The following DNAH6 variants were observed in gnomAD, a reference collection of about 807,000 sequenced individuals.
The protein encoded by DNAH6 is axonemal beta dynein heavy chain 6.
A neutral mutation model predicts 491.4 loss-of-function variants in DNAH6; 340 were observed. That is an observed-to-expected ratio of 0.69 (90% confidence interval 0.63 to 0.76). The LOEUF is 0.76. Among genes scored for constraint, DNAH6 ranks in the 30% least tolerant of loss-of-function variants. DNAH6 has a pLI of 0.00. For missense variants in DNAH6, 4,443 were observed against 4,972.2 expected (o/e 0.89, Z 3.20); for synonymous variants, 1,603 against 1,686.1 (o/e 0.95, Z 1.21).
In DNAH6 at chr2:84,652,481, TC is replaced by T. The variant is rs1256869868; in HGVS notation, c.5079-837del. On this transcript the variant is annotated intron_variant, in intron 33 of 76. Transcript: ENST00000389394. ...CTGATATAAACATTGGAAATGTTTT[TC>T]TAAGTCTCTCATTCATGCTTTAAGT... Among the ~76,000 whole-genome samples, 10 of 152,224 alleles carry T rather than the reference TC, an allele frequency of 6.6e-5. 1 individual carries two copies. In the Middle Eastern group the frequency reaches 0.017, roughly 259 times the overall value.
chr2:84,819,412 G>A lies in DNAH6; in HGVS notation c.*4G>A, dbSNP rs1462759844. On this transcript the variant is annotated 3_prime_UTR_variant, in exon 77 of 77. Transcript: ENST00000389394. The stretch of plus-strand genomic sequence containing the variant: ...GCTCTGCCAGCTGAGCGAATGAAAA[G>A]GTGCCACCTCAGCCCTGAAAAAGAA... 2 of 1,544,776 alleles carry A rather than the reference G, an allele frequency of 1.3e-6. No individual in the cohort carries two copies. Among genetic ancestry groups the A allele is most frequent in the Non-Finnish European group, 1.8e-6 (2 of 1,141,476 alleles).
the DNAH6 span, among the ~76,000 whole-genome samples, chr2:84,506,071 C>A: frequency 6.6e-6 from 1 of 152,170 alleles, no homozygotes; most frequent in South Asian, 2.1e-4. Flanking sequence ...TGGGTATATA[C>A]CCAGTAATGG....
chr2:84,481,718 A>G, the DNAH6 span, among the ~76,000 whole-genome samples: 1 of 152,228 alleles, frequency 6.6e-6, no homozygotes, highest in Non-Finnish European at 1.5e-5. Context: ...CTTGATGCTT[A>G]TGACAATCAT....
chr2:84,626,979 T>C (rs753157633), intron 29 of DNAH6, among the ~76,000 whole-genome samples: 11 of 152,214 alleles, frequency 7.2e-5, no homozygotes, highest in Non-Finnish European at 8.8e-5. Flanking sequence ...TATTATGATC[T>C]GCAGGTCTGG....
intron 1 of DNAH6, among the ~76,000 whole-genome samples, chr2:84,517,603 T>C (rs1009428936): frequency 6.6e-6 from 1 of 152,216 alleles, no homozygotes; most frequent in African/African-American, 2.4e-5. Flanking sequence ...CCACCCTAGC[T>C]ACAGGGGTTC....
intron 64 of DNAH6, among the ~76,000 whole-genome samples, chr2:84,767,346 A>G (rs1294649323): frequency 6.6e-6 from 1 of 152,068 alleles, no homozygotes; most frequent in African/African-American, 2.4e-5. Context: ...AGACTGGACA[A>G]CATAGTGAGA....
intron 76 of DNAH6, among the ~76,000 whole-genome samples, chr2:84,816,707 G>C (rs11693821): frequency 0.024 from 3,676 of 152,234 alleles, 72 homozygotes; most frequent in South Asian, 0.061. Context: ...TAGGTAACAA[G>C]AGCGAAAACT....
intron 29 of DNAH6, among the ~76,000 whole-genome samples, chr2:84,632,207 T>TG (rs1199645724): frequency 6.6e-6 from 1 of 152,216 alleles, no homozygotes; most frequent in Non-Finnish European, 1.5e-5. Context: ...TTTGGCACCC[T>TG]GGAGGTTTTT....
In DNAH6 at chr2:84,611,852, C is replaced by G; in HGVS notation, c.3473C>G (p.Pro1158Arg). The G allele has an allele frequency of 6.5e-7, 1 of 1,549,802 alleles. No individual in the cohort carries two copies. The highest frequency in any genetic ancestry group is 1.2e-5 in the South Asian group (1 of 83,742). The change falls in exon 22 of 77, where the codon CCA (proline) becomes CGA (arginine). Residue 1158 changes from proline to arginine, a missense_variant and splice_region_variant. By Grantham distance (103) the Pro-to-Arg change is moderately radical. Around this residue, in one of 3 missense-constraint regions of DNAH6, gnomAD observed 2,977 missense variants for 3,296.6 expected, o/e 0.90. Transcript: ENST00000389394. ...LPNALRAATQ[P>R]GLLETFQNNN... is the part of the protein sequence containing the mutation. Reference sequence around the variant, plus strand: ...AATGCTCTTCGAGCCGCTACTCAGCCAGGTATGAAACAAAATTCCAAACAA... The same window carrying G: ...AATGCTCTTCGAGCCGCTACTCAGCGAGGTATGAAACAAAATTCCAAACAA...
intron 9 of DNAH6, among the ~76,000 whole-genome samples, chr2:84,551,865 T>C (rs970576925): frequency 3.3e-5 from 5 of 152,060 alleles, no homozygotes; most frequent in Admixed American, 1.3e-4. Context: ...CTGGCCAACT[T>C]GGTGAAACGC....
At chr2:84,662,198 TG>T (rs1691576061) in intron 37 of DNAH6, among the ~76,000 whole-genome samples, 1 of 152,106 alleles carries the variant, frequency 6.6e-6, no homozygotes, top group South Asian at 2.1e-4. Context: ...GCTCCCAGCA[TG>T]AGCAATGCAG....
Position 84,669,529 on chromosome 2 carries a change from A to G in DNAH6, c.6306+19A>G. 6.5e-7 allele frequency: 1 copy of G among 1,542,042 alleles called. No individual in the cohort carries two copies. Among genetic ancestry groups the G allele is most frequent in the Non-Finnish European group, 8.8e-7 (1 of 1,138,370 alleles). On this transcript the variant is annotated intron_variant, in intron 38 of 76. Transcript: ENST00000389394. ...GGGCAAGGTAGGAAACTTACATCAA[A>G]CAAGAAGTCCTCTCCAAATGTGAGG...
intron 12 of DNAH6, among the ~76,000 whole-genome samples, chr2:84,576,951 G>C (rs1348375073): frequency 6.6e-6 from 1 of 152,128 alleles, no homozygotes; most frequent in African/African-American, 2.4e-5. Context: ...ACCTAACTCT[G>C]AAATCTAGTC....
chr2:84,784,974 G>A (rs1296761632), intron 66 of DNAH6, among the ~76,000 whole-genome samples, 164 bp downstream of exon 66: 5 of 152,110 alleles, frequency 3.3e-5, no homozygotes, highest in African/African-American at 1.2e-4. Context: ...GCAGAGAAAC[G>A]ATTTCCCAAC....
intron 62 of DNAH6, among the ~76,000 whole-genome samples, chr2:84,736,374 T>A (rs1256197967): frequency 6.6e-6 from 1 of 152,220 alleles, no homozygotes; most frequent in African/African-American, 2.4e-5. Flanking sequence ...TTTCTAATTC[T>A]ATGGAAAATG....
chr2:84,750,453 G>A (rs1673362127), intron 63 of DNAH6, among the ~76,000 whole-genome samples: 1 of 152,074 alleles, frequency 6.6e-6, no homozygotes, highest in Non-Finnish European at 1.5e-5. Flanking sequence ...CCAAAGTGCT[G>A]GGATTACAAG....
Position 84,653,510 on chromosome 2 carries a change from G to A in DNAH6, c.5270G>A (p.Gly1757Asp), listed in dbSNP as rs754835152. 1.3e-6 allele frequency: 2 copies of A among 1,551,300 alleles called. No homozygotes were observed. Among genetic ancestry groups the A allele is most frequent in the Non-Finnish European group, 1.7e-6 (2 of 1,146,726 alleles). The part of the protein sequence containing the change: ...HGVMLVGPTG[G>D]GKTTVYRILA... ...GTTATGTTAGTCGGGCCAACAGGAG[G>A]CGGCAAGACCACAGTTTACCGAATA... Residue 1757 changes from glycine (G) to aspartate (D), a missense_variant, in exon 34 of 77, where the codon GGC becomes GAC. This residue lies in a region of DNAH6 where 2,977 missense variants were observed against 3,296.6 expected (regional missense o/e 0.90). Transcript: ENST00000389394.
Position 84,669,435 on chromosome 2 carries a change from C to T in DNAH6, c.6231C>T (p.Arg2077=). 1 of 1,551,996 alleles carries T rather than the reference C, an allele frequency of 6.4e-7. No homozygotes were observed. The highest frequency in any genetic ancestry group is 8.7e-7 in the Non-Finnish European group (1 of 1,147,034). The change falls in exon 38 of 77, where the codon CGC becomes CGT. Residue 2077 remains arginine, a synonymous_variant. Transcript: ENST00000389394. ...EMLVPTTDTV[R]YGYLMEKLLA... is the part of the protein sequence containing the mutation. ...TTGTCCCCACAACTGACACAGTGCGCTATGGGTATCTAATGGAAAAACTAC... is the reference window on the plus strand; with the variant it reads ...TTGTCCCCACAACTGACACAGTGCGTTATGGGTATCTAATGGAAAAACTAC...
chr2:84,632,241 G>T (rs1688475770), intron 29 of DNAH6, among the ~76,000 whole-genome samples: 1 of 152,182 alleles, frequency 6.6e-6, no homozygotes, highest in African/African-American at 2.4e-5. Flanking sequence ...ATGCACCACA[G>T]TAAGATCTGG....
Sources: allele counts gnomAD v4.1 joint callset (sites outside exome capture counted in the v4.1 genomes callset), GRCh38; gene constraint gnomAD v4.1.1; regional missense constraint gnomAD v4.1.1; transcripts MANE v1.5; gene names NCBI Gene and HGNC (gene_info 2026-07-23, HGNC 2026-07-21).